ACE: variants seen among roughly 807,000 people sequenced by gnomAD.
ACE encodes angiotensin-converting enzyme.
In ACE, 122 loss-of-function variants were observed where a neutral mutation model predicts 162.3. The ratio of observed to expected loss-of-function variants is 0.75; its 90% CI spans 0.65 to 0.87. The LOEUF is 0.87. Among genes scored for constraint, ACE ranks in the 40% least tolerant of loss-of-function variants. The pLI is 0.00. For synonymous variants in ACE, 796 were observed against 720.6 expected (o/e 1.10, Z -1.68); for missense variants, 1,799 against 1,735.1 (o/e 1.04, Z -0.65).
intron 15 of ACE, 187 bp from the exon 16 acceptor site, chr17:63,488,461 G>T: frequency 2.3e-6 from 1 of 433,634 alleles, no homozygotes; most frequent in Non-Finnish European, 4.0e-6. Flanking sequence ...GCCCCAGGCC[G>T]GGGACTCTGT....
chr17:63,487,443 C>G (rs2030035066), intron 15 of ACE, among the ~76,000 whole-genome samples: 1 of 152,110 alleles, frequency 6.6e-6, no homozygotes, highest in Non-Finnish European at 1.5e-5. Flanking sequence ...CTTTCGTGAC[C>G]CTGCCCTTGA....
At chr17:63,488,360 G>GAAAA (rs561946751) in intron 15 of ACE, among the ~76,000 whole-genome samples, 9 of 98,424 alleles carry the variant, frequency 9.1e-5, no homozygotes, top group African/African-American at 3.2e-4. Context: ...CCCTGTCTCA[G>GAAAA]AAAAAAAAAA....
chr17:63,488,674 C>T lies in ACE; in HGVS notation c.2332C>T (p.Arg778Trp), dbSNP rs745724462. 62 of 1,613,182 alleles carry T rather than the reference C, an allele frequency of 3.8e-5. No individual in the cohort carries two copies. In the Admixed American group the frequency reaches 8.0e-4, roughly 21 times the overall value. ...TCTGACGAATGTGATGGCCACGTCC[C>T]GGAAATATGAAGACCTGTTATGGGC... is the stretch of plus-strand genomic sequence containing the variant. The part of the protein sequence containing the change: ...PDLTNVMATS[R>W]KYEDLLWAWE... The change falls in exon 16 of 25, where the codon CGG becomes TGG. Residue 778 changes from arginine (R) to tryptophan (W), a missense_variant. Transcript: ENST00000290866.
rs12709428 is a variant in ACE at position 63,486,017 on chromosome 17, G to A, written c.2059-540G>A. On this transcript the variant is annotated intron_variant, in intron 13 of 24. Coordinates refer to ENST00000290866, the MANE Select transcript of ACE (RefSeq NM_000789.4). ...TACATAAATAAGTGGTGCTCAAGTC[G>A]TTTTTTAAAAGATTGAAAGCCTCTG... Among the ~76,000 whole-genome samples, 1,145 of 152,202 alleles carry A rather than the reference G, an allele frequency of 7.5e-3. 19 individuals carry two copies. The highest frequency in any genetic ancestry group is 0.025 in the African/African-American group (1,046 of 41,510).
intron 17 of ACE, chr17:63,490,664 G>T: frequency 4.3e-6 from 2 of 463,746 alleles, no homozygotes; most frequent in Non-Finnish European, 8.0e-6. Flanking sequence ...GTCCTCACAT[G>T]TCAGCAGTTG....
In ACE at chr17:63,491,473, A is replaced by AG. The variant is rs1469217431; in HGVS notation, c.2912+93dup. 5.9e-6 allele frequency: 9 copies of AG among 1,535,956 alleles called. No homozygotes were observed. Among genetic ancestry groups the AG allele is most frequent in the Non-Finnish European group, 8.1e-6 (9 of 1,117,248 alleles). ...GGGTCCACTACTGTCCCCCAGCTGG[A>AG]GCCAGCAGGGCAGGATGGGGACAGG... On this transcript the variant is annotated intron_variant, in intron 19 of 24. Coordinates refer to ENST00000290866, the MANE Select transcript of ACE (RefSeq NM_000789.4). This position sits in a 1 kb window ranked among gnomAD's most constrained non-coding sequence, Gnocchi z 4.4.
intron 13 of ACE, among the ~76,000 whole-genome samples, chr17:63,486,013 A>G (rs1056227816): frequency 6.6e-6 from 1 of 152,160 alleles, no homozygotes; most frequent in African/African-American, 2.4e-5. Context: ...GTGGTGCTCA[A>G]GTCGTTTTTT....
At position 63,494,367 on chromosome 17, in the gene ACE, G is replaced by C. The variant is rs201447850; in HGVS notation, c.3282-5G>C. 1 of 1,613,510 alleles carries C rather than the reference G, an allele frequency of 6.2e-7. No individual in the cohort carries two copies. The highest frequency in any genetic ancestry group is 8.5e-7 in the Non-Finnish European group (1 of 1,179,698). On this transcript the variant is annotated splice_region_variant and splice_polypyrimidine_tract_variant and intron_variant, in intron 21 of 24. Coordinates refer to ENST00000290866, the MANE Select transcript of ACE (RefSeq NM_000789.4). Reference sequence around the variant, plus strand: ...CATCTTCCAACATATATTCCCACTCGACAGGCTGAAGTACCAGGGCCTCTG... The same window carrying C: ...CATCTTCCAACATATATTCCCACTCCACAGGCTGAAGTACCAGGGCCTCTG...
At chr17:63,488,413 C>T (rs2030120621) in intron 15 of ACE, among the ~76,000 whole-genome samples, 1 of 149,802 alleles carries the variant, frequency 6.7e-6, no homozygotes, top group African/African-American at 2.5e-5. Flanking sequence ...ACGCCCCTCA[C>T]AGGACTGCTG....
chr17:63,483,654 C>T, intron 10 of ACE, 96 bp downstream of exon 10: 7 of 1,377,976 alleles, frequency 5.1e-6, no homozygotes, highest in Non-Finnish European at 7.1e-6. Context: ...CAGGGCTTGT[C>T]CCCATGCTCC....
At chr17:63,486,453 C>G (rs1051730689) in intron 13 of ACE, 104 bp from the exon 14 acceptor site, 1 of 1,283,772 alleles carries the variant, frequency 7.8e-7, no homozygotes, top group Non-Finnish European at 1.1e-6. Context: ...ATTCCACTGC[C>G]CCCTCACCAC....
Position 63,487,420 on chromosome 17 carries a change from T to C in ACE, c.2305+347T>C, listed in dbSNP as rs1188141345. On this transcript the variant is annotated intron_variant, in intron 15 of 24. Coordinates refer to ENST00000290866, the MANE Select transcript of ACE (RefSeq NM_000789.4). Reference sequence around the variant, plus strand: ...ATGGGGGGAACTCGGGGACACTAGCTCCCCCCGGCCTCCTTTCGTGACCCT... The same window carrying C: ...ATGGGGGGAACTCGGGGACACTAGCCCCCCCCGGCCTCCTTTCGTGACCCT... 7.3e-5 allele frequency among the ~76,000 whole-genome samples: 11 copies of C among 151,480 alleles called. 1 individual carries two copies. Among genetic ancestry groups the C allele is most frequent in the Admixed American group, 7.2e-4 (11 of 15,196 alleles).
rs1353694784 is a variant in ACE, at chr17:63,496,919, C to T, written c.3625C>T (p.Arg1209Cys). The T allele has an allele frequency of 5.6e-6, 9 of 1,613,532 alleles. No individual in the cohort carries two copies. Among genetic ancestry groups the T allele is most frequent in the African/African-American group, 4.0e-5 (3 of 74,944 alleles). The change falls in exon 24 of 25, where the codon CGC (arginine) becomes TGC (cysteine). Residue 1209 changes from arginine (R) to cysteine (C), a missense_variant. By Grantham distance (180) the Arg-to-Cys change is radical. Transcript: ENST00000290866. ...CTTCAAGCCGCTGCTGGACTGGCTC[C>T]GCACGGAGAACGAGCTGCATGGGGA... ...SYFKPLLDWL[R>C]TENELHGEKL...
At chr17:63,496,756 C>T (rs767538509) in intron 23 of ACE, 42 bp from the exon 24 acceptor site, 27 of 1,607,080 alleles carry the variant, frequency 1.7e-5, no homozygotes, top group African/African-American at 2.7e-5. Flanking sequence ...CAAGAGGGGC[C>T]ATGTCCTTCT....
Position 63,479,839 on chromosome 17 carries a change from C to T in ACE, c.582C>T (p.Asn194=), listed in dbSNP as rs4298. The T allele has an allele frequency of 0.082, 131,764 of 1,613,132 alleles. 8,777 individuals are homozygous for T. The highest frequency in any genetic ancestry group is 0.36 in the African/African-American group (26,674 of 75,018). ...TGTTTGCCTGGGAGGGCTGGCACAA[C>T]GCTGCGGGCATCCCGCTGAAACCGC... ...MLLFAWEGWH[N]AAGIPLKPLY... Residue 194 remains asparagine, a synonymous_variant, in exon 4 of 25, where the codon AAC becomes AAT. Transcript: ENST00000290866.
intron 9 of ACE, 30 bp downstream of exon 9, chr17:63,483,203 C>T: frequency 6.2e-7 from 1 of 1,612,450 alleles, no homozygotes. Context: ...AGCCTTCGCC[C>T]CAGCTAGCCC....
At chr17:63,492,341 G>A (rs1054830521) in intron 19 of ACE, among the ~76,000 whole-genome samples, 1 of 152,206 alleles carries the variant, frequency 6.6e-6, no homozygotes, top group South Asian at 2.1e-4. Flanking sequence ...CAAGAGAAGA[G>A]AAAAAAGTCC....
chr17:63,490,852 A>G, intron 17 of ACE, 102 bp from the exon 18 acceptor site: 1 of 1,092,736 alleles, frequency 9.2e-7, no homozygotes, highest in Non-Finnish European at 1.4e-6. Context: ...TGCCACTATG[A>G]TTAGCAGGAC....
intron 14 of ACE, 112 bp downstream of exon 14, chr17:63,486,827 C>T (rs533792165): frequency 1.3e-6 from 2 of 1,516,932 alleles, no homozygotes; most frequent in Non-Finnish European, 1.8e-6. Flanking sequence ...CAAGTCATGG[C>T]ATCTGCCATG....
Sources: gnomAD v4.1 joint callset for allele counts (sites outside exome capture counted in the v4.1 genomes callset) on GRCh38, gnomAD v4.1.1 for gene constraint, Gnocchi (gnomAD v3.1) non-coding constraint, MANE v1.5 for transcripts, NCBI Gene and HGNC (gene_info 2026-07-23, HGNC 2026-07-21) for gene names.